Variants in SORCS2 observed in about 807,000 individuals in gnomAD.
SORCS2 encodes the protein sortilin related VPS10 domain containing receptor 2.
In SORCS2, 100 loss-of-function variants were observed where a neutral mutation model predicts 141.6. The ratio of observed to expected loss-of-function variants is 0.71; its 90% CI spans 0.60 to 0.83. SORCS2 has a LOEUF of 0.83. Among genes scored for constraint, SORCS2 ranks in the 40% least tolerant of loss-of-function variants. The pLI, the probability that SORCS2 is intolerant of heterozygous loss-of-function variation, is 0.00. For missense variants in SORCS2, 1,646 were observed against 1,560.2 expected (o/e 1.05, Z -0.93); for synonymous variants, 789 against 676.9 (o/e 1.17, Z -2.57).
intron 3 of SORCS2, among the ~76,000 whole-genome samples, chr4:7,558,006 A>G (rs28519697): frequency 0.39 from 59,352 of 152,102 alleles, 13,055 homozygotes; most frequent in African/African-American, 0.6. Flanking sequence ...AGCCAGATGC[A>G]GTTCACAGTG....
intron 1 of SORCS2, among the ~76,000 whole-genome samples, chr4:7,227,958 G>C (rs1180907685): frequency 1.3e-5 from 2 of 152,184 alleles, no homozygotes; most frequent in Admixed American, 6.5e-5. Flanking sequence ...TGTGAGGCAG[G>C]GGGTGGCGGG....
At position 7,528,802 on chromosome 4, in the gene SORCS2, C is replaced by A. The variant is rs189228729; in HGVS notation, c.549-2728C>A. 1.6e-4 allele frequency among the ~76,000 whole-genome samples: 24 copies of A among 152,084 alleles called. No homozygotes were observed. The East Asian group carries it at 4.1e-3, about 26-fold the overall frequency. The stretch of plus-strand genomic sequence containing the variant: ...CTGCCATCATAAAGTACCACTGTGG[C>A]GAACTCTCTCTCGGGGTCCTGGAGG... On this transcript the variant is annotated intron_variant, in intron 2 of 26. Coordinates refer to ENST00000507866, the MANE Select transcript of SORCS2 (RefSeq NM_020777.3).
chr4:7,337,723 C>G (rs62279103), intron 1 of SORCS2, among the ~76,000 whole-genome samples: 27,358 of 152,190 alleles, frequency 0.18, 2,685 homozygotes, highest in East Asian at 0.33. Flanking sequence ...GACAAGGAAT[C>G]CCAGCCGCCC....
At chr4:7,673,203 C>T (rs1722895936) in intron 8 of SORCS2, among the ~76,000 whole-genome samples, 1 of 152,196 alleles carries the variant, frequency 6.6e-6, no homozygotes, top group Non-Finnish European at 1.5e-5. Context: ...GAAATACGTG[C>T]CCTCTACTAC....
chr4:7,558,500 CAG>C (rs1334329035), intron 3 of SORCS2, among the ~76,000 whole-genome samples: 2 of 152,322 alleles, frequency 1.3e-5, no homozygotes, highest in South Asian at 2.1e-4. Context: ...TCTCCTGTAA[CAG>C]GGGAAGAACC....
intron 18 of SORCS2, among the ~76,000 whole-genome samples, chr4:7,721,823 C>T (rs1183055782): frequency 6.6e-6 from 1 of 152,128 alleles, no homozygotes; most frequent in Non-Finnish European, 1.5e-5. Context: ...GGGTACGGGG[C>T]ACACAGGGTG....
intron 1 of SORCS2, among the ~76,000 whole-genome samples, chr4:7,242,374 A>G (rs998279021): frequency 1.3e-5 from 2 of 151,550 alleles, no homozygotes; most frequent in Admixed American, 1.3e-4. Context: ...TTTTTTTTAA[A>G]TTTTATTTTT....
intron 3 of SORCS2, among the ~76,000 whole-genome samples, chr4:7,589,548 G>T (rs1235573934): frequency 6.6e-6 from 1 of 152,034 alleles, no homozygotes; most frequent in South Asian, 2.1e-4. Flanking sequence ...GACTATAGGC[G>T]CCTGCCACCA....
At chr4:7,463,981 G>T (rs1729465042) in intron 2 of SORCS2, among the ~76,000 whole-genome samples, 1 of 152,282 alleles carries the variant, frequency 6.6e-6, no homozygotes, top group East Asian at 1.9e-4. Flanking sequence ...GGCACGAGTG[G>T]CTCCTCTCCT....
intron 1 of SORCS2, among the ~76,000 whole-genome samples, chr4:7,256,970 G>A (rs1308455564): frequency 2.0e-5 from 3 of 152,272 alleles, no homozygotes; most frequent in East Asian, 3.9e-4. Context: ...GTAGAGACTC[G>A]GGGGTCATTA....
At chr4:7,613,987 A>G (rs1410798528) in intron 3 of SORCS2, among the ~76,000 whole-genome samples, 3 of 151,366 alleles carry the variant, frequency 2.0e-5, no homozygotes, top group Middle Eastern at 3.5e-3. Flanking sequence ...CAATCCATCT[A>G]TCCATCCACC....
intron 1 of SORCS2, among the ~76,000 whole-genome samples, chr4:7,217,273 C>A (rs944372835): frequency 2.6e-5 from 4 of 152,208 alleles, no homozygotes; most frequent in African/African-American, 9.6e-5. Flanking sequence ...CCATGAGACC[C>A]GAGGACCCCG....
At chr4:7,360,571 C>CTTTTTTTTTTT (rs753548897) in intron 1 of SORCS2, among the ~76,000 whole-genome samples, 1,196 of 49,266 alleles carry the variant, frequency 0.024, 329 homozygotes, top group Middle Eastern at 0.075. Flanking sequence ...CCAGTCCCTT[C>CTTTTTTTTTTT]TTTTTTTTTT....
At chr4:7,601,919 T>C (rs1462130805) in intron 3 of SORCS2, among the ~76,000 whole-genome samples, 1 of 152,192 alleles carries the variant, frequency 6.6e-6, no homozygotes, top group African/African-American at 2.4e-5. Flanking sequence ...AAGCACATCT[T>C]GCACCGCCCT....
intron 2 of SORCS2, among the ~76,000 whole-genome samples, chr4:7,399,062 T>TA (rs1249236730): frequency 8.8e-6 from 1 of 113,200 alleles, no homozygotes; most frequent in Non-Finnish European, 2.3e-5. Flanking sequence ...TAATTTGCTT[T>TA]TTTTTTGTTG....
At chr4:7,270,170 C>A (rs776472470) in intron 1 of SORCS2, among the ~76,000 whole-genome samples, 1 of 152,250 alleles carries the variant, frequency 6.6e-6, no homozygotes, top group South Asian at 2.1e-4. Context: ...CATGAGCCAC[C>A]GTGCCCATGA....
chr4:7,581,156 GA>G lies in SORCS2; in HGVS notation c.648+49538del, dbSNP rs34869505. On this transcript the variant is annotated intron_variant, in intron 3 of 26. Transcript: ENST00000507866. ...ACCTGCATATGTCCTTAATTTTTTTGAAAAAAAAAAAGCTACAATAAGTTTT... is the reference window on the plus strand; with the variant it reads ...ACCTGCATATGTCCTTAATTTTTTTGAAAAAAAAAAGCTACAATAAGTTTT... 1.0e-2 allele frequency among the ~76,000 whole-genome samples: 1,311 copies of G among 131,356 alleles called. 13 individuals are homozygous for G. Among genetic ancestry groups the G allele is most frequent in the South Asian group, 0.055 (227 of 4,114 alleles). The allele number at this position is 131,356 out of a possible 152,430, so 86.2% of individuals were successfully genotyped here. A position where few individuals can be genotyped will look rare whatever the true frequency, so the allele number is the denominator to read the frequency against.
chr4:7,199,107 G>A (rs1727343489), intron 1 of SORCS2, among the ~76,000 whole-genome samples: 1 of 152,206 alleles, frequency 6.6e-6, no homozygotes, highest in Non-Finnish European at 1.5e-5. Flanking sequence ...CTGTGAGCCG[G>A]GAGGATGGGG....
At chr4:7,694,647 A>G (rs967262877) in intron 11 of SORCS2, among the ~76,000 whole-genome samples, 1 of 152,222 alleles carries the variant, frequency 6.6e-6, no homozygotes, top group Non-Finnish European at 1.5e-5. Flanking sequence ...GATAAAAGGC[A>G]TCTTTTCTTT....
Sources: allele counts gnomAD v4.1 joint callset (sites outside exome capture counted in the v4.1 genomes callset), GRCh38; gene constraint gnomAD v4.1.1; transcripts MANE v1.5; gene names NCBI Gene and HGNC (gene_info 2026-07-23, HGNC 2026-07-21).